Variants in CTNND1 observed in about 807,000 individuals in gnomAD.
The protein encoded by CTNND1 is catenin delta 1, also known as catenin delta-1.
CTNND1 carries 16 observed loss-of-function variants against 112.1 expected under a neutral mutation model. The observed-to-expected ratio is 0.14, with a 90% CI of 0.10 to 0.22. The LOEUF (loss-of-function observed/expected upper bound fraction) is 0.22, where lower values mean the gene tolerates loss of function less well. Among genes scored for constraint, CTNND1 ranks in the 10% least tolerant of loss-of-function variants. The pLI, the probability that CTNND1 is intolerant of heterozygous loss-of-function variation, is 1.00. For missense variants in CTNND1, 1,008 were observed against 1,257.0 expected, an observed-to-expected ratio of 0.80 and a Z score of 3.00; for synonymous variants, 420 against 446.5, an observed-to-expected ratio of 0.94 and a Z score of 0.75.
chr11:57,795,848 A>C lies in CTNND1; in HGVS notation c.420+119A>C, dbSNP rs112509051. On this transcript the variant is annotated intron_variant, in intron 5 of 20. Transcript: ENST00000399050. ...GATATGCCATTATTGATCTGATTGCATGAAGTGATCTCTGGCCAGATAGAA... is the reference window on the plus strand; with the variant it reads ...GATATGCCATTATTGATCTGATTGCCTGAAGTGATCTCTGGCCAGATAGAA... 498 of 1,093,756 alleles carry C rather than the reference A, an allele frequency of 4.6e-4. 4 individuals carry two copies. The African/African-American group carries it at 6.0e-3, about 13-fold the overall frequency. 67.8% of individuals were successfully genotyped at this position (1,093,756 alleles called of 1,614,324 possible).
At chr11:57,806,407 T>G in intron 10 of CTNND1, 54 bp from the exon 11 acceptor site, 1 of 1,516,120 alleles carries the variant, frequency 6.6e-7, no homozygotes. Flanking sequence ...TCTCCTGCAT[T>G]TTTCTTATTT....
At chr11:57,806,160 GT>G in intron 10 of CTNND1, 125 bp downstream of exon 10, 1 of 1,290,224 alleles carries the variant, frequency 7.8e-7, no homozygotes, top group Non-Finnish European at 1.0e-6. Flanking sequence ...TGTCTTTTTG[GT>G]TTGCTGCTTT....
Position 57,803,879 on chromosome 11 carries a change from A to T in CTNND1, c.1604+75A>T, listed in dbSNP as rs555250624. The T allele has an allele frequency of 6.0e-6, 7 of 1,171,458 alleles. No individual in the cohort carries two copies. The African/African-American group carries it at 7.8e-5, about 13-fold the overall frequency. 72.6% of individuals were successfully genotyped at this position (1,171,458 alleles called of 1,614,324 possible). On this transcript the variant is annotated intron_variant, in intron 8 of 20. Coordinates refer to ENST00000399050, the MANE Select transcript of CTNND1 (RefSeq NM_001085458.2). ...TTAAATTTCCTAAAAAAAAAAAAAA[A>T]TTAAAATTCTTTAGCCTATTCTTTA...
In CTNND1 at chr11:57,803,628, G is replaced by C. The variant is rs768491114; in HGVS notation, c.1428G>C (p.Leu476=). Residue 476 remains leucine (L), a synonymous_variant, in exon 8 of 21, where the codon CTG becomes CTC. Coordinates refer to ENST00000399050, the MANE Select transcript of CTNND1 (RefSeq NM_001085458.2). ...MDLTEVITGT[L]WNLSSHDSIK... is the part of the protein sequence containing the mutation. ...ATGAATTGTCTCTTCCAGGAACCCT[G>C]TGGAATCTTTCATCCCATGACTCAA... The C allele has an allele frequency of 6.2e-7, 1 of 1,609,584 alleles. No individual in the cohort carries two copies. Among genetic ancestry groups the C allele is most frequent in the Non-Finnish European group, 8.5e-7 (1 of 1,177,874 alleles).
chr11:57,770,052 G>A (rs1216688416), intron 1 of CTNND1, among the ~76,000 whole-genome samples: 1 of 152,168 alleles, frequency 6.6e-6, no homozygotes, highest in Non-Finnish European at 1.5e-5. Context: ...GTGGCTGGGC[G>A]CGGTGGTGGT....
chr11:57,767,756 A>T (rs1439174168), intron 1 of CTNND1, among the ~76,000 whole-genome samples: 1 of 152,042 alleles, frequency 6.6e-6, no homozygotes, highest in African/African-American at 2.4e-5. Context: ...CAGAGCTCCT[A>T]GTAATGTCTT....
In CTNND1 at chr11:57,796,665, C is replaced by T; in HGVS notation, c.629C>T (p.Pro210Leu). The change falls in exon 6 of 21, where the codon CCT becomes CTT. Residue 210 changes from proline to leucine, a missense_variant. This residue lies in a region of CTNND1 where 404 missense variants were observed against 457.9 expected (regional missense o/e 0.88). Coordinates refer to ENST00000399050, the MANE Select transcript of CTNND1 (RefSeq NM_001085458.2). Reference protein sequence around the residue: ...ATLPRNFHYPPDGYSRHYEDG... With the variant: ...ATLPRNFHYPLDGYSRHYEDG... Reference sequence around the variant, plus strand: ...CTTCCTAGGAACTTCCACTACCCTCCTGATGGTTATAGTCGCCACTATGAA... The same window carrying T: ...CTTCCTAGGAACTTCCACTACCCTCTTGATGGTTATAGTCGCCACTATGAA... The T allele has an allele frequency of 1.2e-6, 2 of 1,614,016 alleles. No homozygotes were observed. The highest frequency in any genetic ancestry group is 1.7e-6 in the Non-Finnish European group (2 of 1,179,894).
chr11:57,803,089 G>C (rs1001734720), intron 7 of CTNND1, among the ~76,000 whole-genome samples: 2 of 152,144 alleles, frequency 1.3e-5, no homozygotes, highest in African/African-American at 4.8e-5. Flanking sequence ...AGATCGGAGA[G>C]CATTGAGCAT....
chr11:57,788,339 C>T lies in CTNND1; in HGVS notation c.-213-698C>T, dbSNP rs536363744. ...ACTGAAAGGAAGAAGAGTTGATAGG[C>T]GATTATGGGAACTTCGAGCTGGGGT... On this transcript the variant is annotated intron_variant, in intron 1 of 20. Transcript: ENST00000399050. This position sits in a 1 kb window ranked among gnomAD's most constrained non-coding sequence, Gnocchi z 4.1. Among the ~76,000 whole-genome samples the T allele has an allele frequency of 2.0e-5, 3 of 151,886 alleles. No homozygotes were observed. Among genetic ancestry groups the T allele is most frequent in the Non-Finnish European group, 4.4e-5 (3 of 68,004 alleles).
intron 1 of CTNND1, among the ~76,000 whole-genome samples, chr11:57,763,281 A>G (rs1950265196): frequency 6.6e-6 from 1 of 152,148 alleles, no homozygotes; most frequent in African/African-American, 2.4e-5. Flanking sequence ...CTTTTTGAAA[A>G]TGTGAATCCG....
intron 1 of CTNND1, among the ~76,000 whole-genome samples, chr11:57,768,790 G>T (rs184433528): frequency 6.6e-6 from 1 of 152,222 alleles, no homozygotes; most frequent in East Asian, 1.9e-4. Context: ...TCTAAGAAAG[G>T]AGTCAGCTTT....
At position 57,804,800 on chromosome 11, in the gene CTNND1, T is replaced by TA; in HGVS notation, c.1722+22dup. 6.5e-7 allele frequency: 1 copy of TA among 1,548,148 alleles called. No homozygotes were observed. The highest frequency in any genetic ancestry group is 2.2e-5 in the East Asian group (1 of 44,536). ...AGCAAGGTAAGTGCTGTCTTACCTT[T>TA]AATGGCTGAGTGAATTTCATTCACC... On this transcript the variant is annotated intron_variant, in intron 9 of 20. Transcript: ENST00000399050.
intron 1 of CTNND1, among the ~76,000 whole-genome samples, chr11:57,780,071 T>TTTTTTGG (rs58673483): frequency 7.7e-6 from 1 of 129,194 alleles, no homozygotes; most frequent in African/African-American, 2.8e-5. Context: ...TTTTTTTTTT[T>TTTTTTGG]GAGACAGGGT....
chr11:57,786,034 G>A (rs927186575), intron 1 of CTNND1, among the ~76,000 whole-genome samples: 1 of 152,080 alleles, frequency 6.6e-6, no homozygotes, highest in Non-Finnish European at 1.5e-5. Flanking sequence ...CTGGGTAATA[G>A]CAGGAATATC....
intron 17 of CTNND1, among the ~76,000 whole-genome samples, chr11:57,813,345 G>A (rs1050541884): frequency 4.6e-5 from 7 of 151,948 alleles, no homozygotes; most frequent in African/African-American, 1.7e-4. Flanking sequence ...TGATTAAAAT[G>A]AAAAAAGACT....
At chr11:57,802,487 T>A (rs1260085972) in intron 7 of CTNND1, among the ~76,000 whole-genome samples, 1 of 152,260 alleles carries the variant, frequency 6.6e-6, no homozygotes, top group Non-Finnish European at 1.5e-5. Flanking sequence ...CTTAGCAGTA[T>A]TTGGTCTGAA....
Position 57,800,239 on chromosome 11 carries a change from C to T in CTNND1, c.957-1494C>T, listed in dbSNP as rs1591549000. ...GCTGTTTGGGCATTTTTAGTACCCC[C>T]TTCTTGATTTGAAGGGTTTAATCTT... On this transcript the variant is annotated intron_variant, in intron 6 of 20. Transcript: ENST00000399050. Among the ~76,000 whole-genome samples, 4 of 150,898 alleles carry T rather than the reference C, an allele frequency of 2.7e-5. No homozygotes were observed. In the East Asian group the frequency reaches 7.7e-4, roughly 29 times the overall value.
chr11:57,768,832 G>A lies in CTNND1; in HGVS notation c.-214+6713G>A, dbSNP rs150371695. 8.3e-3 allele frequency among the ~76,000 whole-genome samples: 1,260 copies of A among 152,202 alleles called. 7 individuals carry two copies. The highest frequency in any genetic ancestry group is 0.014 in the Non-Finnish European group (972 of 68,008). ...TGGAAAAGCCAAGCTGTGGTCTGTG[G>A]GAAATACATATGTGTTAGATACAAC... is the stretch of plus-strand genomic sequence containing the variant. On this transcript the variant is annotated intron_variant, in intron 1 of 20. Coordinates refer to ENST00000399050, the MANE Select transcript of CTNND1 (RefSeq NM_001085458.2).
intron 17 of CTNND1, among the ~76,000 whole-genome samples, chr11:57,812,516 G>A (rs940348262): frequency 2.0e-5 from 3 of 151,540 alleles, no homozygotes; most frequent in African/African-American, 4.9e-5. Flanking sequence ...TTGAGACTCC[G>A]TATCAAAAGA....
Sources: gnomAD v4.1 joint callset for allele counts (sites outside exome capture counted in the v4.1 genomes callset) on GRCh38, gnomAD v4.1.1 for gene constraint, gnomAD v4.1.1 regional missense constraint, Gnocchi (gnomAD v3.1) non-coding constraint, MANE v1.5 for transcripts, NCBI Gene and HGNC (gene_info 2026-07-23, HGNC 2026-07-21) for gene names.